Variants in FGD4 observed in about 807,000 individuals in gnomAD.
The protein encoded by FGD4 is FYVE, RhoGEF and PH domain containing 4.
A neutral mutation model predicts 102.0 loss-of-function variants in FGD4; 42 were observed. The observed-to-expected ratio is 0.41, with a 90% CI of 0.32 to 0.53. FGD4 has a LOEUF of 0.53. FGD4 is among the 20% of genes least tolerant of loss of function. The pLI is 0.21. For synonymous variants in FGD4, 380 were observed against 375.7 expected, an observed-to-expected ratio of 1.01 and a Z score of -0.13; for missense variants, 902 against 1,078.2, an observed-to-expected ratio of 0.84 and a Z score of 2.29.
chr12:32,602,130 T>G, intron 6 of FGD4, 31 bp from the exon 7 acceptor site: 3 of 1,611,606 alleles, frequency 1.9e-6, no homozygotes, highest in Non-Finnish European at 2.5e-6. Context: ...AAAATTTTTT[T>G]TAAAGACTTG....
chr12:32,406,887 C>T (rs772255010), intron 1 of FGD4, among the ~76,000 whole-genome samples: 4 of 151,748 alleles, frequency 2.6e-5, no homozygotes, highest in African/African-American at 2.4e-5. Flanking sequence ...GATCTCAGCT[C>T]ACTGCAACCT....
At chr12:32,426,817 A>G (rs55843628) in intron 1 of FGD4, among the ~76,000 whole-genome samples, 9,096 of 150,090 alleles carry the variant, frequency 0.061, 383 homozygotes, top group South Asian at 0.14. Context: ...CCAGGAATTT[A>G]TCAATTTCTT....
At chr12:32,561,070 G>GGTTTT (rs1944512299) in intron 1 of FGD4, among the ~76,000 whole-genome samples, 1 of 90,788 alleles carries the variant, frequency 1.1e-5, no homozygotes, top group Non-Finnish European at 2.2e-5. Context: ...TCTTTGTTGG[G>GGTTTT]TTTTGTTTTT....
intron 1 of FGD4, among the ~76,000 whole-genome samples, chr12:32,435,498 AGT>A (rs3076971): frequency 4.7e-5 from 7 of 149,610 alleles, no homozygotes; most frequent in Non-Finnish European, 8.9e-5. Flanking sequence ...CAATTAAAAA[AGT>A]GTGTGTGTGT....
chr12:32,464,442 T>G (rs2136503030), intron 1 of FGD4, among the ~76,000 whole-genome samples: 1 of 152,288 alleles, frequency 6.6e-6, no homozygotes, highest in East Asian at 1.9e-4. Context: ...CGTGAGCCAT[T>G]GCGCCCGGCC....
At chr12:32,576,749 T>C (rs1296458059) in intron 3 of FGD4, among the ~76,000 whole-genome samples, 3 of 152,224 alleles carry the variant, frequency 2.0e-5, no homozygotes, top group African/African-American at 7.2e-5. Context: ...TGTCATTCTC[T>C]ATGTGTTACT....
chr12:32,414,289 A>C (rs1054399777), intron 1 of FGD4, among the ~76,000 whole-genome samples: 1 of 151,638 alleles, frequency 6.6e-6, no homozygotes, highest in Non-Finnish European at 1.5e-5. Context: ...TTTTTTTTTA[A>C]AAAATTATTT....
At chr12:32,511,578 A>G (rs1371268324) in intron 1 of FGD4, among the ~76,000 whole-genome samples, 1 of 152,094 alleles carries the variant, frequency 6.6e-6, no homozygotes, top group Admixed American at 6.6e-5. Context: ...CTGGGATTAC[A>G]GTTGTGAGCC....
intron 11 of FGD4, among the ~76,000 whole-genome samples, chr12:32,621,010 A>T (rs1270096067): frequency 6.6e-6 from 1 of 151,964 alleles, no homozygotes; most frequent in Non-Finnish European, 1.5e-5. Context: ...ACTGCAGTTG[A>T]TCATAGCTAC....
chr12:32,584,694 A>G (rs12831147), intron 4 of FGD4, among the ~76,000 whole-genome samples: 2 of 152,180 alleles, frequency 1.3e-5, no homozygotes, highest in Non-Finnish European at 2.9e-5. Context: ...AGCATAGCAC[A>G]CCAGATTATC....
At chr12:32,576,923 G>T (rs1946171458) in intron 3 of FGD4, among the ~76,000 whole-genome samples, 1 of 151,744 alleles carries the variant, frequency 6.6e-6, no homozygotes. Flanking sequence ...ATTTAATGTG[G>T]GTCTTCTATA....
chr12:32,437,421 G>A (rs548716567), intron 1 of FGD4, among the ~76,000 whole-genome samples: 1 of 152,270 alleles, frequency 6.6e-6, no homozygotes, highest in East Asian at 1.9e-4. Context: ...GGCTCTTTAT[G>A]CTCCCTATAC....
chr12:32,429,254 T>A lies in FGD4; in HGVS notation c.166+29295T>A, dbSNP rs532985602. Among the ~76,000 whole-genome samples, 16 of 152,378 alleles carry A rather than the reference T, an allele frequency of 1.1e-4. No individual in the cohort carries two copies. In the South Asian group the frequency reaches 2.9e-3, roughly 28 times the overall value. On this transcript the variant is annotated intron_variant, in intron 1 of 16. Coordinates refer to ENST00000534526, the MANE Select transcript of FGD4 (RefSeq NM_001370298.3). ...GATGTTGATGCTATTCATTTCTGTT[T>A]GTTAGTTTTCCTTCTAACAGTCAGG... is the stretch of plus-strand genomic sequence containing the variant.
At chr12:32,606,463 A>ATT (rs11406211) in intron 7 of FGD4, among the ~76,000 whole-genome samples, 5,427 of 143,652 alleles carry the variant, frequency 0.038, 142 homozygotes, top group Non-Finnish European at 0.053. Context: ...TCCTCTACTT[A>ATT]TTTTTTTTTT....
chr12:32,564,033 G>C, intron 1 of FGD4, 104 bp from the exon 2 acceptor site: 1 of 1,046,652 alleles, frequency 9.6e-7, no homozygotes, highest in Non-Finnish European at 1.3e-6. Context: ...GAGAGGGAGG[G>C]GGAGGGGGAG....
At chr12:32,605,457 A>AT in intron 7 of FGD4, among the ~76,000 whole-genome samples, 1 of 152,022 alleles carries the variant, frequency 6.6e-6, no homozygotes, top group Admixed American at 6.5e-5. Flanking sequence ...TGCCTTCTAC[A>AT]TTCTTCTTTC....
In FGD4 at chr12:32,582,475, A is replaced by G; in HGVS notation, c.1011+8A>G. The G allele has an allele frequency of 1.2e-6, 2 of 1,608,042 alleles. No homozygotes were observed. Among genetic ancestry groups the G allele is most frequent in the Non-Finnish European group, 1.7e-6 (2 of 1,179,992 alleles). On this transcript the variant is annotated splice_region_variant and intron_variant, in intron 4 of 16. Coordinates refer to ENST00000534526, the MANE Select transcript of FGD4 (RefSeq NM_001370298.3). ...CAGCACCATGAGATGAAGGTAGAGCATGAGACTAGCTCATGAGCAGGGAAA... is the reference window on the plus strand; with the variant it reads ...CAGCACCATGAGATGAAGGTAGAGCGTGAGACTAGCTCATGAGCAGGGAAA...
rs149153085 is a variant in FGD4, at chr12:32,472,806, A to C, written c.166+72847A>C. Among the ~76,000 whole-genome samples the C allele has an allele frequency of 2.0e-3, 312 of 152,328 alleles. 2 individuals are homozygous for C. Among genetic ancestry groups the C allele is most frequent in the African/African-American group, 7.0e-3 (291 of 41,574 alleles). ...TTTATATCTAGCTCAGGGATTGTAAATACACCAATCAGCATCCCGTGTTTA... is the reference window on the plus strand; with the variant it reads ...TTTATATCTAGCTCAGGGATTGTAACTACACCAATCAGCATCCCGTGTTTA... On this transcript the variant is annotated intron_variant, in intron 1 of 16. Coordinates refer to ENST00000534526, the MANE Select transcript of FGD4 (RefSeq NM_001370298.3).
At chr12:32,589,750 G>A (rs7976053) in intron 4 of FGD4, among the ~76,000 whole-genome samples, 3,580 of 152,148 alleles carry the variant, frequency 0.024, 126 homozygotes, top group African/African-American at 0.081. Context: ...ACGAAAGAAC[G>A]TAATTGAAAC....
Sources: allele counts gnomAD v4.1 joint callset (sites outside exome capture counted in the v4.1 genomes callset), GRCh38; gene constraint gnomAD v4.1.1; transcripts MANE v1.5; gene names NCBI Gene and HGNC (gene_info 2026-07-23, HGNC 2026-07-21).